Variants in CCL28 observed in about 807,000 individuals in gnomAD.
CCL28 encodes the protein C-C motif chemokine 28.
Under a neutral mutation model 7.1 loss-of-function variants are expected in CCL28, and 4 were observed. The ratio of observed to expected loss-of-function variants is 0.56; its 90% CI spans 0.28 to 1.29. The LOEUF is 1.29. Ranked by LOEUF, CCL28 falls within the 50% of genes most tolerant of loss-of-function variation. CCL28 has a pLI of 0.11. For missense variants in CCL28, 151 were observed against 163.4 expected (o/e 0.92, Z 0.41); for synonymous variants, 55 against 57.8 (o/e 0.95, Z 0.22).
intron 1 of CCL28, among the ~76,000 whole-genome samples, chr5:43,405,857 T>A (rs554656431): frequency 4.5e-4 from 68 of 152,210 alleles, no homozygotes; most frequent in African/African-American, 1.5e-3. Flanking sequence ...CATCAGAGAA[T>A]ACTATAAACA....
intron 1 of CCL28, among the ~76,000 whole-genome samples, chr5:43,400,559 T>C (rs1175148099): frequency 6.6e-6 from 1 of 152,126 alleles, no homozygotes; most frequent in Non-Finnish European, 1.5e-5. Context: ...ATGTGTTGTA[T>C]AGGATCTCAC....
chr5:43,405,497 G>A (rs1261370819), intron 1 of CCL28, among the ~76,000 whole-genome samples: 1 of 152,226 alleles, frequency 6.6e-6, no homozygotes, highest in Admixed American at 6.5e-5. Flanking sequence ...ATTTTAAGCA[G>A]TGTGTAGGGG....
At position 43,406,470 on chromosome 5, in the gene CCL28, A is replaced by G. The variant is rs192739425; in HGVS notation, c.64+5783T>C. On this transcript the variant is annotated intron_variant, in intron 1 of 2. Coordinates refer to ENST00000361115, the MANE Select transcript of CCL28 (RefSeq NM_148672.3). ...CAACTCTTCATGCTAAAAACTCTCA[A>G]TAAATTAGGTATTGATGGGACGTAT... 9.9e-3 allele frequency among the ~76,000 whole-genome samples: 1,511 copies of G among 152,300 alleles called. 13 individuals carry two copies. Among genetic ancestry groups the G allele is most frequent in the Non-Finnish European group, 0.012 (840 of 68,030 alleles).
At chr5:43,406,119 AAG>A (rs1310782671) in intron 1 of CCL28, among the ~76,000 whole-genome samples, 1 of 152,154 alleles carries the variant, frequency 6.6e-6, no homozygotes, top group Admixed American at 6.5e-5. Context: ...TCAATAGAAA[AAG>A]AGGGAATCCT....
rs576527407 is a variant in CCL28, at chr5:43,392,791, G to A, written c.65-4315C>T. The stretch of plus-strand genomic sequence containing the variant: ...GAATTGCCAAATCTTATTTTTGCCA[G>A]CTATTTTTTTACCTTGATTTTTAAA... On this transcript the variant is annotated intron_variant, in intron 1 of 2. Coordinates refer to ENST00000361115, the MANE Select transcript of CCL28 (RefSeq NM_148672.3). Among the ~76,000 whole-genome samples, 6 of 152,192 alleles carry A rather than the reference G, an allele frequency of 3.9e-5. No individual in the cohort carries two copies. In the East Asian group the frequency reaches 1.2e-3, roughly 29 times the overall value.
intron 1 of CCL28, among the ~76,000 whole-genome samples, chr5:43,389,977 T>G (rs773601357): frequency 2.0e-5 from 3 of 152,252 alleles, no homozygotes; most frequent in Non-Finnish European, 2.9e-5. Context: ...TGCAGCCTCC[T>G]GTCAGAATAG....
At chr5:43,367,695 A>T in the CCL28 span, among the ~76,000 whole-genome samples, 1 of 151,806 alleles carries the variant, frequency 6.6e-6, no homozygotes, top group Non-Finnish European at 1.5e-5. Context: ...TGTAGGCTGC[A>T]CCCACTATCT....
At chr5:43,370,050 G>A in the CCL28 span, among the ~76,000 whole-genome samples, 1 of 152,222 alleles carries the variant, frequency 6.6e-6, no homozygotes, top group Admixed American at 6.5e-5. Context: ...TCCCCACAAA[G>A]TGCTAGATAT....
chr5:43,407,582 G>A (rs1156737810), intron 1 of CCL28, among the ~76,000 whole-genome samples: 1 of 152,094 alleles, frequency 6.6e-6, no homozygotes, highest in Non-Finnish European at 1.5e-5. Flanking sequence ...CATAGGCATG[G>A]GCAAGGACTT....
chr5:43,369,065 AG>A, the CCL28 span, among the ~76,000 whole-genome samples: 2 of 140,886 alleles, frequency 1.4e-5, no homozygotes, highest in East Asian at 4.0e-4. Flanking sequence ...AGAGAGAGAG[AG>A]AGAGAGAGAG....
chr5:43,390,871 AT>A (rs1412312834), intron 1 of CCL28, among the ~76,000 whole-genome samples: 4 of 152,280 alleles, frequency 2.6e-5, no homozygotes, highest in Non-Finnish European at 5.9e-5. Flanking sequence ...GAACATCACA[AT>A]TTCTACTCAC....
the CCL28 span, among the ~76,000 whole-genome samples, chr5:43,367,537 T>C: frequency 6.6e-6 from 1 of 152,362 alleles, no homozygotes; most frequent in East Asian, 1.9e-4. Flanking sequence ...CCCACCCTGC[T>C]TTGGCTCACC....
At chr5:43,374,650 G>T (rs1397939764), downstream of CCL28, among the ~76,000 whole-genome samples, 1 of 151,878 alleles carries the variant, frequency 6.6e-6, no homozygotes, top group Non-Finnish European at 1.5e-5. Context: ...GTGTGATGGT[G>T]CACGCCTGTA....
At chr5:43,395,354 GA>G (rs1253258894) in intron 1 of CCL28, among the ~76,000 whole-genome samples, 27 of 151,928 alleles carry the variant, frequency 1.8e-4, no homozygotes, top group African/African-American at 6.5e-4. Context: ...CTTAGTGTTT[GA>G]AGTGAAGGTT....
chr5:43,366,699 C>A, the CCL28 span, among the ~76,000 whole-genome samples: 2 of 152,238 alleles, frequency 1.3e-5, no homozygotes, highest in African/African-American at 4.8e-5. Context: ...CTGCTCTCTT[C>A]AAAGCCAGCA....
the CCL28 span, among the ~76,000 whole-genome samples, chr5:43,358,382 A>G: frequency 6.6e-6 from 1 of 152,242 alleles, no homozygotes; most frequent in Non-Finnish European, 1.5e-5. Flanking sequence ...CAGATTGGTC[A>G]TTTCAAAATT....
the CCL28 span, among the ~76,000 whole-genome samples, chr5:43,360,854 A>G: frequency 6.6e-6 from 1 of 152,048 alleles, no homozygotes. Context: ...TCAGGGGTAC[A>G]TGTGCAGGAT....
intron 1 of CCL28, among the ~76,000 whole-genome samples, chr5:43,398,366 G>A (rs10062121): frequency 0.053 from 8,113 of 152,154 alleles, 449 homozygotes; most frequent in African/African-American, 0.15. Flanking sequence ...TGGGACCACC[G>A]GTGCACACCA....
the CCL28 span, among the ~76,000 whole-genome samples, chr5:43,369,036 AAGAGAGAGAGAGAGAG>A: frequency 0.036 from 3,777 of 104,480 alleles, 199 homozygotes; most frequent in African/African-American, 0.062. Context: ...GAAAGAGAGA[AAGAGAGAGAGAGAGAG>A]AGAGAGAGAG....
Sources: gnomAD v4.1 joint callset for allele counts (sites outside exome capture counted in the v4.1 genomes callset) on GRCh38, gnomAD v4.1.1 for gene constraint, MANE v1.5 for transcripts, NCBI Gene and HGNC (gene_info 2026-07-23, HGNC 2026-07-21) for gene names.